MYO9B: variants seen among roughly 807,000 people sequenced by gnomAD.
MYO9B encodes unconventional myosin-IXb.
In MYO9B, 71 loss-of-function variants were observed where a neutral mutation model predicts 229.5. The observed-to-expected ratio is 0.31, with a 90% CI of 0.26 to 0.38. The LOEUF (loss-of-function observed/expected upper bound fraction) is 0.38. MYO9B is among the 10% of genes least tolerant of loss of function. The pLI, the probability that MYO9B is intolerant of heterozygous loss-of-function variation, is 1.00. For synonymous variants in MYO9B, 1,185 were observed against 1,235.8 expected (o/e 0.96, Z 0.86); for missense variants, 2,255 against 2,920.5 (o/e 0.77, Z 5.25).
intron 36 of MYO9B, 119 bp downstream of exon 36, chr19:17,209,828 G>A: frequency 7.5e-7 from 1 of 1,339,196 alleles, no homozygotes; most frequent in Non-Finnish European, 1.0e-6. Context: ...TTGGTGGGCG[G>A]GGCCTTGGGT....
chr19:17,167,803 G>GC, intron 10 of MYO9B, 140 bp from the exon 11 acceptor site: 1 of 1,111,018 alleles, frequency 9.0e-7, no homozygotes, highest in South Asian at 1.6e-5. Flanking sequence ...TTTAAGCCAC[G>GC]CATCAGTTTA....
intron 6 of MYO9B, 61 bp downstream of exon 6, chr19:17,154,476 T>TA: frequency 7.6e-7 from 1 of 1,307,466 alleles, no homozygotes; most frequent in Admixed American, 2.0e-5. Flanking sequence ...GCATGGCCCT[T>TA]ACCAGTCACT....
rs1447829707 is a variant in MYO9B, at chr19:17,134,043, G to A, written c.841-11354G>A. The stretch of plus-strand genomic sequence containing the variant: ...CCCAAAGTGCTGGGATTACAGGCGT[G>A]AGCCACCATGCCTGGCCTGCTTTCT... On this transcript the variant is annotated intron_variant, in intron 2 of 39. Transcript: ENST00000682292. Among the ~76,000 whole-genome samples the A allele has an allele frequency of 2.6e-5, 4 of 152,014 alleles. No individual in the cohort carries two copies. The South Asian group carries it at 6.2e-4, about 24-fold the overall frequency.
At chr19:17,187,653 C>CA (rs987564841) in intron 18 of MYO9B, among the ~76,000 whole-genome samples, 13 of 151,272 alleles carry the variant, frequency 8.6e-5, no homozygotes, top group Admixed American at 8.6e-4. Flanking sequence ...CTCCTGGCCT[C>CA]AACTGATCCT....
intron 16 of MYO9B, 131 bp downstream of exon 16, chr19:17,183,999 A>G: frequency 1.1e-6 from 1 of 919,058 alleles, no homozygotes; most frequent in South Asian, 1.6e-5. Context: ...CCAAGAAAAA[A>G]AAAATGTTCT....
chr19:17,162,519 A>G, intron 9 of MYO9B, 53 bp downstream of exon 9: 1 of 1,446,768 alleles, frequency 6.9e-7, no homozygotes, highest in Non-Finnish European at 9.4e-7. Flanking sequence ...CCACATCCTC[A>G]CTACCAATAT....
intron 1 of MYO9B, among the ~76,000 whole-genome samples, chr19:17,100,728 G>C (rs530794764): frequency 1.3e-5 from 2 of 152,118 alleles, no homozygotes; most frequent in Non-Finnish European, 2.9e-5. Flanking sequence ...CCCAGCCTGG[G>C]CCTGCCTGAT....
intron 2 of MYO9B, among the ~76,000 whole-genome samples, chr19:17,120,660 A>G (rs979793793): frequency 2.9e-5 from 4 of 138,390 alleles, no homozygotes; most frequent in Non-Finnish European, 4.6e-5. Flanking sequence ...AAAAAAAAAA[A>G]AAGATAGATA....
intron 2 of MYO9B, 61 bp from the exon 3 acceptor site, chr19:17,145,336 A>G (rs2145234905): frequency 1.4e-6 from 2 of 1,412,042 alleles, no homozygotes; most frequent in Non-Finnish European, 2.0e-6. Context: ...AAATGAGAGG[A>G]AAAAAAAGAA....
intron 1 of MYO9B, among the ~76,000 whole-genome samples, chr19:17,080,599 G>A (rs963372037): frequency 6.6e-6 from 1 of 152,148 alleles, no homozygotes; most frequent in African/African-American, 2.4e-5. Context: ...GAGGCTTGGT[G>A]GCACACGCCT....
Position 17,180,917 on chromosome 19 carries a change from C to G in MYO9B, c.2220-10C>G. The G allele has an allele frequency of 1.3e-6, 2 of 1,593,100 alleles. No individual in the cohort carries two copies. Among genetic ancestry groups the G allele is most frequent in the South Asian group, 2.2e-5 (2 of 88,924 alleles). ...TTCTGTCACTGCGCCCCCTCCACCC[C>G]TCCCCTCAGCGATTTGCATAACCAA... is the stretch of plus-strand genomic sequence containing the variant. On this transcript the variant is annotated splice_polypyrimidine_tract_variant and intron_variant, in intron 14 of 39. Coordinates refer to ENST00000682292, the MANE Select transcript of MYO9B (RefSeq NM_004145.4).
At chr19:17,185,086 C>T in intron 17 of MYO9B, 99 bp downstream of exon 17, 1 of 1,560,688 alleles carries the variant, frequency 6.4e-7, no homozygotes, top group Non-Finnish European at 8.7e-7. Flanking sequence ...AGTAAAAATA[C>T]AAAAATTGGC....
At chr19:17,108,242 G>A (rs904661232) in intron 2 of MYO9B, among the ~76,000 whole-genome samples, 3 of 152,202 alleles carry the variant, frequency 2.0e-5, no homozygotes, top group Non-Finnish European at 2.9e-5. Flanking sequence ...GTTCTAAGCC[G>A]CTCGAGGGTG....
At chr19:17,176,873 C>T (rs1427917394) in intron 14 of MYO9B, among the ~76,000 whole-genome samples, 3 of 152,138 alleles carry the variant, frequency 2.0e-5, no homozygotes, top group Admixed American at 6.6e-5. Flanking sequence ...GGGCCCTGCA[C>T]GCACCCAAGC....
intron 1 of MYO9B, among the ~76,000 whole-genome samples, chr19:17,092,027 C>T (rs1178204735): frequency 2.0e-5 from 3 of 152,230 alleles, no homozygotes; most frequent in African/African-American, 4.8e-5. Flanking sequence ...CTGGAGGACA[C>T]GGAGCAGTCT....
rs907237070 is a variant in MYO9B, at chr19:17,213,080, G to C, written c.*770G>C. On this transcript the variant is annotated 3_prime_UTR_variant, in exon 40 of 40. Coordinates refer to ENST00000682292, the MANE Select transcript of MYO9B (RefSeq NM_004145.4). ...ACTACCCACCCCGTGTGACAGAATA[G>C]GAGCCAGCGACTCAGGACTGCTCAC... is the stretch of plus-strand genomic sequence containing the variant. 8 of 152,314 alleles carry C rather than the reference G, an allele frequency of 5.3e-5. No individual in the cohort carries two copies. The highest frequency in any genetic ancestry group is 1.9e-4 in the African/African-American group (8 of 41,476). 9.4% of individuals were successfully genotyped at this position (152,314 alleles called of 1,614,324 possible).
chr19:17,208,389 T>C (rs1295070897), intron 35 of MYO9B, among the ~76,000 whole-genome samples: 2 of 151,472 alleles, frequency 1.3e-5, no homozygotes, highest in East Asian at 3.9e-4. Flanking sequence ...TTGTGTCTTT[T>C]TGAATGTGCT....
intron 3 of MYO9B, among the ~76,000 whole-genome samples, chr19:17,148,194 A>C (rs1029950980): frequency 3.9e-5 from 6 of 152,118 alleles, no homozygotes; most frequent in African/African-American, 1.2e-4. Context: ...TGACACAGAT[A>C]CTGTTGCTAC....
At chr19:17,181,075 G>A (rs576486063) in intron 15 of MYO9B, 35 bp downstream of exon 15, 31 of 1,466,190 alleles carry the variant, frequency 2.1e-5, no homozygotes, top group Admixed American at 1.9e-4. Context: ...TTACAAGTGC[G>A]ACAACCGCCT....
Sources: allele counts gnomAD v4.1 joint callset (sites outside exome capture counted in the v4.1 genomes callset), GRCh38; gene constraint gnomAD v4.1.1; transcripts MANE v1.5; gene names NCBI Gene and HGNC (gene_info 2026-07-23, HGNC 2026-07-21).